The following KDM5A variants were observed in gnomAD, a reference collection of about 807,000 sequenced individuals.
KDM5A encodes lysine-specific demethylase 5A.
In KDM5A, 42 loss-of-function variants were observed where a neutral mutation model predicts 193.5. That is an observed-to-expected ratio of 0.22 (90% CI 0.17 to 0.28). KDM5A has a LOEUF of 0.28. KDM5A is among the 10% of genes least tolerant of loss of function. The pLI is 1.00. For synonymous variants in KDM5A, 796 were observed against 718.1 expected, an observed-to-expected ratio of 1.11 and a Z score of -1.73; for missense variants, 1,692 against 2,055.1, an observed-to-expected ratio of 0.82 and a Z score of 3.42.
chr12:295,500 C>T, intron 26 of KDM5A, 73 bp downstream of exon 26: 1 of 1,416,672 alleles, frequency 7.1e-7, no homozygotes, highest in South Asian at 1.2e-5. Context: ...CCTTTGCCAA[C>T]ATTTATGATA....
chr12:311,154 G>A (rs1231326698), intron 20 of KDM5A, 90 bp from the exon 21 acceptor site: 1 of 1,095,932 alleles, frequency 9.1e-7, no homozygotes. Flanking sequence ...TTTAGTGTTA[G>A]TTCTTTTATT....
chr12:293,303 G>A (rs1212345034), intron 26 of KDM5A, 134 bp from the exon 27 acceptor site: 2 of 721,766 alleles, frequency 2.8e-6, no homozygotes, highest in South Asian at 4.1e-5. Flanking sequence ...AGAGGCTGAA[G>A]GGAAGAAGAA....
At chr12:305,042 TAC>T (rs767294900) in intron 24 of KDM5A, among the ~76,000 whole-genome samples, 20 of 152,214 alleles carry the variant, frequency 1.3e-4, no homozygotes, top group Non-Finnish European at 2.5e-4. Flanking sequence ...CTTAAGAATG[TAC>T]CGCTGTGTGT....
At chr12:315,095 T>G (rs1244305202) in intron 19 of KDM5A, among the ~76,000 whole-genome samples, 2 of 152,122 alleles carry the variant, frequency 1.3e-5, no homozygotes, top group Non-Finnish European at 2.9e-5. Flanking sequence ...GGCAAGCTTG[T>G]CTTGTCTAGG....
intron 3 of KDM5A, among the ~76,000 whole-genome samples, chr12:374,302 T>G (rs1944471608): frequency 6.6e-6 from 1 of 152,222 alleles, no homozygotes; most frequent in Non-Finnish European, 1.5e-5. Flanking sequence ...TAGTTAGCTC[T>G]TCTTGTTGCA....
chr12:342,462 T>G (rs886847454), intron 10 of KDM5A, among the ~76,000 whole-genome samples: 5 of 151,692 alleles, frequency 3.3e-5, no homozygotes, highest in Admixed American at 6.6e-5. Context: ...TAAAATGTGT[T>G]TTTTTTTTCC....
chr12:322,770 T>C (rs952400718), intron 16 of KDM5A, among the ~76,000 whole-genome samples: 1 of 152,136 alleles, frequency 6.6e-6, no homozygotes, highest in East Asian at 1.9e-4. Context: ...ATAGACAGTT[T>C]CTCTCAGGTA....
At chr12:320,344 A>C (rs926781956) in intron 18 of KDM5A, among the ~76,000 whole-genome samples, 4 of 152,070 alleles carry the variant, frequency 2.6e-5, no homozygotes, top group African/African-American at 7.2e-5. Flanking sequence ...AAAACTATAA[A>C]AATTAGCTGG....
At chr12:332,946 ATAGG>A (rs1196592910) in intron 12 of KDM5A, 1 of 160,172 alleles carries the variant, frequency 6.2e-6, no homozygotes, top group East Asian at 1.8e-4. Flanking sequence ...GGTTATATGA[ATAGG>A]TAGCTGTACA....
In KDM5A at chr12:318,219, A is replaced by C; in HGVS notation, c.2784T>G (p.Ser928=). The change falls in exon 19 of 28, where the codon TCT becomes TCG. Residue 928 remains serine, a synonymous_variant. Transcript: ENST00000399788. ...CATGGTGGGGTGCCAACCCTACCCC[A>C]GAGTCTATCAGCTTCTTCATGACAT... The part of the protein sequence containing the change: ...TLDVMKKLID[S]GVGLAPHHAV... 1 of 1,614,150 alleles carries C rather than the reference A, an allele frequency of 6.2e-7. No individual in the cohort carries two copies. The highest frequency in any genetic ancestry group is 8.5e-7 in the Non-Finnish European group (1 of 1,180,008).
intron 3 of KDM5A, among the ~76,000 whole-genome samples, chr12:371,522 T>C (rs556859073): frequency 2.0e-5 from 3 of 152,158 alleles, no homozygotes; most frequent in Non-Finnish European, 2.9e-5. Context: ...GTCAGATGAG[T>C]AGACTGCAAA....
intron 3 of KDM5A, among the ~76,000 whole-genome samples, chr12:368,277 T>C (rs1944382168): frequency 6.6e-6 from 1 of 152,200 alleles, no homozygotes; most frequent in Non-Finnish European, 1.5e-5. Flanking sequence ...GTCCTGGAAC[T>C]ATATAGTGGT....
intron 24 of KDM5A, 61 bp from the exon 25 acceptor site, chr12:297,261 G>C (rs1005293995): frequency 6.4e-5 from 95 of 1,482,042 alleles, no homozygotes; most frequent in Non-Finnish European, 8.7e-5. Context: ...TTTATGACAA[G>C]GCCCAAAATG....
At chr12:331,774 AG>A (rs762759035) in intron 13 of KDM5A, 44 bp downstream of exon 13, 104 of 1,611,114 alleles carry the variant, frequency 6.5e-5, no homozygotes, top group Non-Finnish European at 8.3e-5. Context: ...TTATATTTAT[AG>A]GGGGGTTAGT....
At chr12:286,119 TA>T in intron 27 of KDM5A, 1 of 486,990 alleles carries the variant, frequency 2.1e-6, no homozygotes, top group Non-Finnish European at 4.2e-6. Flanking sequence ...CTAAGAGCAT[TA>T]AATACCTTTT....
intron 3 of KDM5A, 117 bp from the exon 4 acceptor site, chr12:366,221 A>C: frequency 1.2e-6 from 1 of 829,264 alleles, no homozygotes; most frequent in Non-Finnish European, 2.0e-6. Flanking sequence ...ATTTCCTTTC[A>C]ATGAGTATCT....
At position 283,250 on chromosome 12, in the gene KDM5A, T is replaced by C. The variant is rs936131671; in HGVS notation, c.*2206A>G. ...ACAAAGAAGATCAACAGGCAAAAAATATTGTGCTTTCTTGTATAACATCAA... is the reference window on the plus strand; with the variant it reads ...ACAAAGAAGATCAACAGGCAAAAAACATTGTGCTTTCTTGTATAACATCAA... On this transcript the variant is annotated 3_prime_UTR_variant, in exon 28 of 28. Coordinates refer to ENST00000399788, the MANE Select transcript of KDM5A (RefSeq NM_001042603.3). 4.3e-6 allele frequency: 1 copy of C among 231,588 alleles called. No homozygotes were observed. The highest frequency in any genetic ancestry group is 2.2e-5 in the African/African-American group (1 of 45,220). The allele number at this position is 231,588 out of a possible 1,614,324, so 14.3% of individuals were successfully genotyped here. A position where few individuals can be genotyped will look rare whatever the true frequency, so the allele number is the denominator to read the frequency against.
chr12:282,661 T>C lies in KDM5A; in HGVS notation c.*2795A>G, dbSNP rs1943170184. The C allele has an allele frequency of 4.3e-6, 1 of 232,932 alleles. No homozygotes were observed. Among genetic ancestry groups the C allele is most frequent in the African/African-American group, 2.2e-5 (1 of 45,340 alleles). The allele number at this position is 232,932 out of a possible 1,614,324, so 14.4% of individuals were successfully genotyped here. A position where few individuals can be genotyped will look rare whatever the true frequency, so the allele number is the denominator to read the frequency against. On this transcript the variant is annotated 3_prime_UTR_variant, in exon 28 of 28. Transcript: ENST00000399788. ...AGGCCTACCATATTTCCATTTTTCT[T>C]TCTATAACCTTTGCCAGAGTTAAAA...
In KDM5A at chr12:331,932, T is replaced by C. The variant is rs767913440; in HGVS notation, c.1660A>G (p.Arg554Gly). Reference protein sequence around the residue: ...VLMEHGVPVYRTNQCAGEFVV... With the variant: ...VLMEHGVPVYGTNQCAGEFVV... ...AACTCGCCAGCACACTGATTGGTCC[T>C]GTACACCTAAATGCAAATTGGGAAC... The change falls in exon 13 of 28, where the codon AGG (arginine) becomes GGG (glycine). Residue 554 changes from arginine to glycine, a missense_variant. By Grantham distance (125) the Arg-to-Gly change is moderately radical. Transcript: ENST00000399788. 1 of 1,613,886 alleles carries C rather than the reference T, an allele frequency of 6.2e-7. No individual in the cohort carries two copies. The highest frequency in any genetic ancestry group is 8.5e-7 in the Non-Finnish European group (1 of 1,179,858).
Sources: gnomAD v4.1 joint callset for allele counts (sites outside exome capture counted in the v4.1 genomes callset) on GRCh38, gnomAD v4.1.1 for gene constraint, MANE v1.5 for transcripts, NCBI Gene and HGNC (gene_info 2026-07-23, HGNC 2026-07-21) for gene names.